Variants in CHAT observed in about 807,000 individuals in gnomAD.
CHAT encodes acetyl CoA:choline O-acetyltransferase.
Under a neutral mutation model 76.9 loss-of-function variants are expected in CHAT, and 61 were observed. The observed-to-expected ratio is 0.79, with a 90% CI of 0.65 to 0.98. The LOEUF (loss-of-function observed/expected upper bound fraction) is 0.98, where lower values mean the gene tolerates loss of function less well. Among genes scored for constraint, CHAT ranks in the 50% least tolerant of loss-of-function variants. The pLI is 0.00. For missense variants in CHAT, 946 were observed against 986.9 expected, an observed-to-expected ratio of 0.96 and a Z score of 0.56; for synonymous variants, 407 against 397.4, an observed-to-expected ratio of 1.02 and a Z score of -0.29.
chr10:49,656,294 T>G lies in CHAT; in HGVS notation c.1839+846T>G, dbSNP rs991440847. Among the ~76,000 whole-genome samples, 19 of 48,076 alleles carry G rather than the reference T, an allele frequency of 4.0e-4. No individual in the cohort carries two copies. The East Asian group carries it at 4.5e-3, about 11-fold the overall frequency. 31.5% of individuals were successfully genotyped at this position (48,076 alleles called of 152,430 possible). A position where few individuals can be genotyped will look rare whatever the true frequency, so the allele number is the denominator to read the frequency against. ...CATGTATTCAGTGGGTTTTTTTTTT[T>G]TTTTTTTTTTTTTTTTGGTCTTCAT... On this transcript the variant is annotated intron_variant, in intron 13 of 14. Transcript: ENST00000337653.
chr10:49,655,359 C>T (rs753150327), intron 12 of CHAT, 27 bp from the exon 13 acceptor site: 12 of 1,613,878 alleles, frequency 7.4e-6, no homozygotes, highest in South Asian at 6.6e-5. Flanking sequence ...TTTTAAACCC[C>T]GCGCTGCCTC....
chr10:49,648,364 C>T, intron 8 of CHAT, 143 bp from the exon 9 acceptor site: 1 of 702,178 alleles, frequency 1.4e-6, no homozygotes, highest in South Asian at 1.5e-5. Flanking sequence ...CAATCACATG[C>T]AGTGTTCTCT....
chr10:49,618,921 T>A (rs552794792), intron 2 of CHAT, among the ~76,000 whole-genome samples: 1 of 152,210 alleles, frequency 6.6e-6, no homozygotes, highest in Non-Finnish European at 1.5e-5. Context: ...GTAGGAATTG[T>A]TATTTATGTC....
Position 49,638,537 on chromosome 10 carries a change from G to A in CHAT, c.1112-7968G>A, listed in dbSNP as rs533079453. ...TCTCTTGCCTTCGTGTGGGTTACCC[G>A]AACATTTTTTAGAATTCAATTTTGA... On this transcript the variant is annotated intron_variant, in intron 7 of 14. Coordinates refer to ENST00000337653, the MANE Select transcript of CHAT (RefSeq NM_020549.5). 3.5e-4 allele frequency among the ~76,000 whole-genome samples: 53 copies of A among 152,112 alleles called. 1 individual carries two copies. In the South Asian group the frequency reaches 0.011, roughly 30 times the overall value.
At chr10:49,648,726 TACACACACACACAC>T (rs10580502) in intron 9 of CHAT, 119 bp downstream of exon 9, 19 of 584,036 alleles carry the variant, frequency 3.3e-5, no homozygotes, top group African/African-American at 1.1e-4. Context: ...ATGTGTACTA[TACACACACACACAC>T]ACACACACAC....
At chr10:49,623,623 C>T (rs1380568149) in intron 5 of CHAT, among the ~76,000 whole-genome samples, 1 of 152,184 alleles carries the variant, frequency 6.6e-6, no homozygotes, top group Non-Finnish European at 1.5e-5. Flanking sequence ...AAGCCTCAGC[C>T]ATCCCCACCG....
chr10:49,623,978 G>C (rs1797432457), intron 5 of CHAT, among the ~76,000 whole-genome samples: 1 of 152,096 alleles, frequency 6.6e-6, no homozygotes, highest in South Asian at 2.1e-4. Flanking sequence ...ATATAAGCAG[G>C]GTCAGTAAAA....
upstream of CHAT, chr10:49,611,866 G>T (rs149604765): frequency 6.0e-5 from 96 of 1,606,618 alleles, 1 homozygote; most frequent in African/African-American, 1.2e-3. Flanking sequence ...CATCGTGCCC[G>T]CCTGCCGCTC....
rs1002146505 is a variant in CHAT at position 49,666,676 on chromosome 10, T to G, written c.*1630T>G. On this transcript the variant is annotated 3_prime_UTR_variant, in exon 15 of 15. Transcript: ENST00000337653. ...AAGCAGCCTCAAGAAGTGAGTTCCTTGAACCCCTGGTTTTAGATGGAGGAT... is the reference window on the plus strand; with the variant it reads ...AAGCAGCCTCAAGAAGTGAGTTCCTGGAACCCCTGGTTTTAGATGGAGGAT... 6.6e-6 allele frequency among the ~76,000 whole-genome samples: 1 copy of G among 152,346 alleles called. No individual in the cohort carries two copies. The highest frequency in any genetic ancestry group is 1.9e-4 in the East Asian group (1 of 5,178).
intron 6 of CHAT, among the ~76,000 whole-genome samples, chr10:49,627,301 C>T (rs1026911912): frequency 3.3e-5 from 5 of 152,244 alleles, no homozygotes; most frequent in African/African-American, 1.2e-4. Context: ...TTTTGATAGA[C>T]ACTGCCCTCC....
At chr10:49,635,557 T>C (rs1264960584) in intron 7 of CHAT, among the ~76,000 whole-genome samples, 1 of 152,234 alleles carries the variant, frequency 6.6e-6, no homozygotes, top group Non-Finnish European at 1.5e-5. Flanking sequence ...GCAATATATG[T>C]ATAATCCAGT....
rs1839769832 is a variant in CHAT at position 49,648,758 on chromosome 10, C to CA, written c.1382+151_1382+152insA. ...ACACACACACACACACACACACACACGATGAATTTGAAACCCAGCTTTGTA... is the reference window on the plus strand; with the variant it reads ...ACACACACACACACACACACACACACAGATGAATTTGAAACCCAGCTTTGTA... On this transcript the variant is annotated intron_variant, in intron 9 of 14. Transcript: ENST00000337653. 7 of 584,774 alleles carry CA rather than the reference C, an allele frequency of 1.2e-5. No homozygotes were observed. In the African/African-American group the frequency reaches 1.3e-4, roughly 11 times the overall value. 36.2% of individuals were successfully genotyped at this position (584,774 alleles called of 1,614,324 possible).
Position 49,619,862 on chromosome 10 carries a change from C to T in CHAT, c.525C>T (p.Leu175=), listed in dbSNP as rs753106995. The T allele has an allele frequency of 6.8e-6, 11 of 1,613,312 alleles. No homozygotes were observed. The Middle Eastern group carries it at 4.9e-4, about 72-fold the overall frequency. The change falls in exon 3 of 15, where the codon CTC becomes CTT. Residue 175 remains leucine (L), a synonymous_variant. Coordinates refer to ENST00000337653, the MANE Select transcript of CHAT (RefSeq NM_020549.5). ...IVQQFGAPGG[L]GETLQQKLLE... ...AGCAGTTTGGGGCCCCTGGTGGCCT[C>T]GGCGAGACCCTGCAGCAGAAACTCC...
chr10:49,617,089 C>T (rs1838525076), intron 2 of CHAT, among the ~76,000 whole-genome samples: 1 of 152,172 alleles, frequency 6.6e-6, no homozygotes, highest in Non-Finnish European at 1.5e-5. Context: ...CCCAGCCAGC[C>T]TTCGGGTGGC....
Position 49,631,167 on chromosome 10 carries a change from G to T in CHAT, c.1111+3382G>T, listed in dbSNP as rs375931032. On this transcript the variant is annotated intron_variant, in intron 7 of 14. Coordinates refer to ENST00000337653, the MANE Select transcript of CHAT (RefSeq NM_020549.5). ...GCTGGAATCTGAGCTGAGTAAGGAAGTGTGTTCAAGTCTGCTCAGCAGGTT... is the reference window on the plus strand; with the variant it reads ...GCTGGAATCTGAGCTGAGTAAGGAATTGTGTTCAAGTCTGCTCAGCAGGTT... 8.5e-5 allele frequency among the ~76,000 whole-genome samples: 13 copies of T among 152,340 alleles called. 1 individual carries two copies. Among genetic ancestry groups the T allele is most frequent in the African/African-American group, 2.6e-4 (11 of 41,570 alleles).
At chr10:49,636,476 G>T (rs563014189) in intron 7 of CHAT, among the ~76,000 whole-genome samples, 3 of 152,166 alleles carry the variant, frequency 2.0e-5, no homozygotes, top group Admixed American at 1.3e-4. Context: ...AGTTGGTTTG[G>T]TTTTTTGTTT....
chr10:49,649,488 G>C lies in CHAT; in HGVS notation c.1383-20G>C, dbSNP rs368727447. The C allele has an allele frequency of 2.4e-5, 39 of 1,613,746 alleles. No homozygotes were observed. The African/African-American group carries it at 4.8e-4, about 20-fold the overall frequency. On this transcript the variant is annotated intron_variant, in intron 9 of 14. Transcript: ENST00000337653. ...GCTGTCTGGCCGCAGAGCCTCAGGA[G>C]GTTGCCTCTGTGCCCGCAGGACGCA...
intron 13 of CHAT, among the ~76,000 whole-genome samples, chr10:49,658,078 C>CT (rs554776495): frequency 3.9e-5 from 6 of 152,182 alleles, no homozygotes; most frequent in Non-Finnish European, 7.3e-5. Context: ...TTAAAAAAAT[C>CT]TTTTTAAAAA....
intron 7 of CHAT, among the ~76,000 whole-genome samples, chr10:49,642,899 C>G (rs1839533633): frequency 6.6e-6 from 1 of 152,334 alleles, no homozygotes; most frequent in South Asian, 2.1e-4. Flanking sequence ...CTGCTCTGAC[C>G]ACACTGAGCT....
Sources: gnomAD v4.1 joint callset for allele counts (sites outside exome capture counted in the v4.1 genomes callset) on GRCh38, gnomAD v4.1.1 for gene constraint, MANE v1.5 for transcripts, NCBI Gene and HGNC (gene_info 2026-07-23, HGNC 2026-07-21) for gene names.